The following MCF2L variants were observed in gnomAD, a reference collection of about 807,000 sequenced individuals.
MCF2L encodes guanine nucleotide exchange factor DBS.
MCF2L carries 97 observed loss-of-function variants against 153.4 expected under a neutral mutation model. The ratio of observed to expected loss-of-function variants is 0.63; its 90% CI spans 0.54 to 0.75. MCF2L has a LOEUF of 0.75. Among genes scored for constraint, MCF2L ranks in the 30% least tolerant of loss-of-function variants. The probability of loss-of-function intolerance (pLI) is 0.00; values close to 1 mark genes in which losing one functional copy is unlikely to be tolerated. For missense variants in MCF2L, 1,347 were observed against 1,495.2 expected (o/e 0.90, Z 1.64); for synonymous variants, 659 against 632.2 (o/e 1.04, Z -0.64).
Position 113,064,419 on chromosome 13 carries a change from C to G in MCF2L, c.605C>G (p.Thr202Arg). The change falls in exon 6 of 30, where the codon ACG (threonine) becomes AGG (arginine). Residue 202 changes from threonine (T) to arginine (R), a missense_variant and splice_region_variant. By Grantham distance (71) the Thr-to-Arg change is moderately conservative. Transcript: ENST00000535094. The surrounding 1 kb of genome is among the most constrained non-coding windows in gnomAD (Gnocchi z 6.0). ...YCHSRWLCQR[T>R]AIESFALMVK... ...CACTCCCGGTGGCTGTGCCAGCGCACGGTGAGCCGCGTCGGGGCCAGCGGG... is the reference window on the plus strand; with the variant it reads ...CACTCCCGGTGGCTGTGCCAGCGCAGGGTGAGCCGCGTCGGGGCCAGCGGG... The G allele has an allele frequency of 6.2e-7, 1 of 1,605,918 alleles. No individual in the cohort carries two copies. The highest frequency in any genetic ancestry group is 1.1e-5 in the South Asian group (1 of 90,968).
At chr13:112,937,275 G>A (rs1177213916) in intron 2 of MCF2L, among the ~76,000 whole-genome samples, 4 of 152,104 alleles carry the variant, frequency 2.6e-5, no homozygotes, top group Non-Finnish European at 5.9e-5. Context: ...GGCTGATCTC[G>A]AACTCCTAAC....
chr13:112,931,871 A>G (rs372102577), intron 2 of MCF2L, among the ~76,000 whole-genome samples: 3 of 152,184 alleles, frequency 2.0e-5, no homozygotes, highest in African/African-American at 7.2e-5. Context: ...CCAAAGCAGA[A>G]CAATTTGAGC....
rs1025075487 is a variant in MCF2L, at chr13:112,993,388, G to A, written c.80-21375G>A. On this transcript the variant is annotated intron_variant, in intron 1 of 29. Transcript: ENST00000535094. This position sits in a 1 kb window ranked among gnomAD's most constrained non-coding sequence, Gnocchi z 4.6. ...AATTTGACTGTTAGCCACAGAGACC[G>A]CCAGGAGGGCTTTTAGGAGATATGT... 6.6e-6 allele frequency among the ~76,000 whole-genome samples: 1 copy of A among 152,226 alleles called. No homozygotes were observed. The highest frequency in any genetic ancestry group is 1.5e-5 in the Non-Finnish European group (1 of 68,036).
chr13:113,005,441 A>G (rs72661969), intron 1 of MCF2L, among the ~76,000 whole-genome samples: 7 of 152,170 alleles, frequency 4.6e-5, no homozygotes, highest in African/African-American at 1.4e-4. Context: ...GCCATGGACT[A>G]TTCGTGGTGA....
rs549907726 is a variant in MCF2L at position 113,098,860 on chromosome 13, G to A, written c.*2001G>A. ...CCAGAAAAGGGAGCATAAAGAAAGGGTATTGATCCAATAGAAGAAGGGAAG... is the reference window on the plus strand; with the variant it reads ...CCAGAAAAGGGAGCATAAAGAAAGGATATTGATCCAATAGAAGAAGGGAAG... On this transcript the variant is annotated 3_prime_UTR_variant, in exon 30 of 30. Coordinates refer to ENST00000535094, the MANE Select transcript of MCF2L (RefSeq NM_001112732.3). 2 of 152,450 alleles carry A rather than the reference G, an allele frequency of 1.3e-5. No individual in the cohort carries two copies. Among genetic ancestry groups the A allele is most frequent in the African/African-American group, 4.8e-5 (2 of 41,586 alleles). 9.4% of individuals were successfully genotyped at this position (152,450 alleles called of 1,614,324 possible).
In MCF2L at chr13:113,031,723, T is replaced by A. The variant is rs188729425; in HGVS notation, c.278+6965T>A. On this transcript the variant is annotated intron_variant, in intron 3 of 29. Transcript: ENST00000535094. This position sits in a 1 kb window ranked among gnomAD's most constrained non-coding sequence, Gnocchi z 5.5. ...AGCTGATGATGACGCTTACTTTCCA[T>A]GGGCCTGGCTCAAAGCTCCCAGCTC... 6.6e-6 allele frequency among the ~76,000 whole-genome samples: 1 copy of A among 150,690 alleles called. No individual in the cohort carries two copies.
At chr13:113,020,369 G>A (rs963005448) in intron 2 of MCF2L, among the ~76,000 whole-genome samples, 24 of 152,360 alleles carry the variant, frequency 1.6e-4, no homozygotes, top group Admixed American at 2.6e-4. Context: ...TTGGTCACCC[G>A]GCTTGGCCGT....
chr13:113,091,465 C>T (rs867942712), intron 26 of MCF2L, among the ~76,000 whole-genome samples: 10 of 152,248 alleles, frequency 6.6e-5, no homozygotes, highest in South Asian at 2.1e-4. Context: ...ACGGCTGCTG[C>T]GCTGGTCACC....
intron 2 of MCF2L, among the ~76,000 whole-genome samples, chr13:112,927,255 T>C (rs2140599938): frequency 6.6e-6 from 1 of 152,326 alleles, no homozygotes; most frequent in East Asian, 1.9e-4. Context: ...TAGGAATCTG[T>C]CCCAAAAGTA....
intron 3 of MCF2L, among the ~76,000 whole-genome samples, chr13:113,038,292 T>C (rs975494770): frequency 4.6e-5 from 7 of 152,032 alleles, no homozygotes; most frequent in South Asian, 2.1e-4. Flanking sequence ...GGTGAAACCC[T>C]GTCTCTACTA....
rs372893109 is a variant in MCF2L, at chr13:113,011,712, C to T, written c.80-3051C>T. On this transcript the variant is annotated intron_variant, in intron 1 of 29. Transcript: ENST00000535094. ...GGTGTGGACGGTGGACACCGTGATG[C>T]GGACGGTGGACAGGCGGTGTGGACG... Among the ~76,000 whole-genome samples, 20 of 77,976 alleles carry T rather than the reference C, an allele frequency of 2.6e-4. 1 individual carries two copies. Among genetic ancestry groups the T allele is most frequent in the African/African-American group, 7.6e-4 (19 of 25,070 alleles). 51.2% of individuals were successfully genotyped at this position (77,976 alleles called of 152,430 possible).
chr13:113,078,748 G>T lies in MCF2L; in HGVS notation c.1808+9G>T. On this transcript the variant is annotated intron_variant, in intron 15 of 29. Coordinates refer to ENST00000535094, the MANE Select transcript of MCF2L (RefSeq NM_001112732.3). The stretch of plus-strand genomic sequence containing the variant: ...CTGGCCATCCTGCGCAGGTGGGTGC[G>T]CTGCCCTTCTGTCCTCACAGGGGCC... 6.3e-7 allele frequency: 1 copy of T among 1,592,310 alleles called. No homozygotes were observed. The highest frequency in any genetic ancestry group is 1.7e-5 in the Admixed American group (1 of 58,338).
rs1335495226 is a variant in MCF2L, at chr13:112,904,487, G to A, written c.169+2116G>A. On this transcript the variant is annotated intron_variant, in intron 2 of 29. Transcript: ENST00000375608. The surrounding 1 kb of genome is among the most constrained non-coding windows in gnomAD (Gnocchi z 4.2). ...AGGAGCCCAGACATGTGGCTGGTCAGAGCACCCACTTAGCAAGCCGTGGCT... is the reference window on the plus strand; with the variant it reads ...AGGAGCCCAGACATGTGGCTGGTCAAAGCACCCACTTAGCAAGCCGTGGCT... Among the ~76,000 whole-genome samples, 2 of 152,186 alleles carry A rather than the reference G, an allele frequency of 1.3e-5. No homozygotes were observed. The highest frequency in any genetic ancestry group is 2.9e-5 in the Non-Finnish European group (2 of 68,034).
rs144862969 is a variant in MCF2L, at chr13:112,977,008, C to T, written c.79+7550C>T. Among the ~76,000 whole-genome samples, 312 of 152,298 alleles carry T rather than the reference C, an allele frequency of 2.0e-3. 1 individual carries two copies. The highest frequency in any genetic ancestry group is 6.5e-3 in the African/African-American group (271 of 41,552). ...CCCCACGCTTTACTGAGAGAGGAAA[C>T]GAGACACCTTCGTCTGTGCCACAAC... On this transcript the variant is annotated intron_variant, in intron 1 of 29. Coordinates refer to ENST00000535094, the MANE Select transcript of MCF2L (RefSeq NM_001112732.3).
chr13:113,061,681 C>T (rs1293670872), intron 5 of MCF2L, among the ~76,000 whole-genome samples: 2 of 129,318 alleles, frequency 1.5e-5, no homozygotes, highest in African/African-American at 3.0e-5. Context: ...ATGTACTGCC[C>T]CCTTCCCCTC....
intron 3 of MCF2L, among the ~76,000 whole-genome samples, chr13:113,029,208 T>A (rs1378174740): frequency 6.6e-6 from 1 of 152,198 alleles, no homozygotes; most frequent in Non-Finnish European, 1.5e-5. Flanking sequence ...AAGAGCCACC[T>A]GTCCCCTGGC....
At chr13:112,965,787 C>T (rs138377123), upstream of MCF2L, 8 of 152,326 alleles carry the variant, frequency 5.3e-5, no homozygotes, top group East Asian at 9.7e-4. Flanking sequence ...ATCCAGGTGT[C>T]GCTTTACCTT....
At chr13:113,022,117 C>G (rs1044971315) in intron 2 of MCF2L, among the ~76,000 whole-genome samples, 2 of 152,182 alleles carry the variant, frequency 1.3e-5, no homozygotes, top group Non-Finnish European at 2.9e-5. Flanking sequence ...TCCCCGGTCT[C>G]TGTGGTTCCA....
At chr13:112,913,883 A>G (rs1031852727) in intron 2 of MCF2L, among the ~76,000 whole-genome samples, 2 of 152,078 alleles carry the variant, frequency 1.3e-5, no homozygotes, top group Non-Finnish European at 2.9e-5. Context: ...AGCACTGCAG[A>G]CTCTTTCTCG....
Sources: allele counts gnomAD v4.1 joint callset (sites outside exome capture counted in the v4.1 genomes callset), GRCh38; gene constraint gnomAD v4.1.1; non-coding constraint Gnocchi (gnomAD v3.1); transcripts MANE v1.5; gene names NCBI Gene and HGNC (gene_info 2026-07-23, HGNC 2026-07-21).